PCBP3: variants seen among roughly 807,000 people sequenced by gnomAD.
PCBP3 encodes the protein poly(rC) binding protein 3.
In PCBP3, 25 loss-of-function variants were observed where a neutral mutation model predicts 52.7. That is an observed-to-expected ratio of 0.47 (90% CI 0.35 to 0.66). PCBP3 has a LOEUF of 0.66. Ranked by LOEUF, PCBP3 falls within the 30% of genes least tolerant of loss-of-function variation. PCBP3 has a pLI of 0.01. For synonymous variants in PCBP3, 162 were observed against 183.0 expected (o/e 0.89, Z 0.93); for missense variants, 391 against 490.3 (o/e 0.80, Z 1.91).
rs1401534544 is a variant in PCBP3, at chr21:45,704,174, T to C, written c.-199-31218T>C. Reference sequence around the variant, plus strand: ...AAGCCAAGGGGCACTGCCCAGCCGCTGAGTGGGTGGTGGTGAAGGTCATAT... The same window carrying C: ...AAGCCAAGGGGCACTGCCCAGCCGCCGAGTGGGTGGTGGTGAAGGTCATAT... On this transcript the variant is annotated intron_variant, in intron 2 of 17. Transcript: ENST00000681687. This position sits in a 1 kb window ranked among gnomAD's most constrained non-coding sequence, Gnocchi z 4.1. Among the ~76,000 whole-genome samples the C allele has an allele frequency of 6.6e-6, 1 of 152,118 alleles. No individual in the cohort carries two copies. The highest frequency in any genetic ancestry group is 2.4e-5 in the African/African-American group (1 of 41,408).
chr21:45,784,385 T>G (rs866544010), intron 4 of PCBP3, among the ~76,000 whole-genome samples: 32 of 116,512 alleles, frequency 2.7e-4, no homozygotes, highest in East Asian at 5.0e-4. Flanking sequence ...TACCTCTACC[T>G]CTACCTCTAC....
At chr21:45,815,534 G>GATGA (rs2092894156) in intron 4 of PCBP3, among the ~76,000 whole-genome samples, 2 of 72,082 alleles carry the variant, frequency 2.8e-5, no homozygotes. Flanking sequence ...ATGAGTGAGT[G>GATGA]GTGAGTAGTG....
At chr21:45,836,081 A>G (rs1197832677) in intron 4 of PCBP3, among the ~76,000 whole-genome samples, 2 of 152,186 alleles carry the variant, frequency 1.3e-5, no homozygotes, top group East Asian at 3.9e-4. Flanking sequence ...CACCCACAGT[A>G]GCTCCTCCTT....
Position 45,713,331 on chromosome 21 carries a change from C to G in PCBP3, c.-199-22061C>G, listed in dbSNP as rs958783677. 9.2e-5 allele frequency among the ~76,000 whole-genome samples: 14 copies of G among 152,280 alleles called. No homozygotes were observed. In the South Asian group the frequency reaches 1.0e-3, roughly 11 times the overall value. On this transcript the variant is annotated intron_variant, in intron 2 of 17. Coordinates refer to ENST00000681687, the MANE Select transcript of PCBP3 (RefSeq NM_001384156.1). ...CTCTAGCTTGACCTACCATTTCTCC[C>G]TTTTAGTTGGTTTATGCTCCAGACA... is the stretch of plus-strand genomic sequence containing the variant.
intron 3 of PCBP3, among the ~76,000 whole-genome samples, chr21:45,754,972 T>C (rs984145892): frequency 6.6e-6 from 1 of 152,198 alleles, no homozygotes; most frequent in African/African-American, 2.4e-5. Flanking sequence ...TTTTTTAACA[T>C]CAAGTATATT....
chr21:45,839,684 T>G (rs1378627772), intron 4 of PCBP3, among the ~76,000 whole-genome samples: 1 of 152,048 alleles, frequency 6.6e-6, no homozygotes, highest in Non-Finnish European at 1.5e-5. Flanking sequence ...TGTCTTAGTG[T>G]TGTTGTTGTT....
At position 45,724,316 on chromosome 21, in the gene PCBP3, C is replaced by T. The variant is rs921537649; in HGVS notation, c.-199-11076C>T. On this transcript the variant is annotated intron_variant, in intron 2 of 17. Transcript: ENST00000681687. The surrounding 1 kb of genome is among the most constrained non-coding windows in gnomAD (Gnocchi z 5.3). ...AGCTGTGACCCACCCCGCCCCCTCC[C>T]GGTGTTACCCTGAGTTATGAGAATG... Among the ~76,000 whole-genome samples the T allele has an allele frequency of 2.0e-5, 3 of 152,114 alleles. No homozygotes were observed. Among genetic ancestry groups the T allele is most frequent in the Admixed American group, 1.3e-4 (2 of 15,274 alleles).
chr21:45,900,931 C>T (rs957376801), intron 8 of PCBP3, 66 bp from the exon 9 acceptor site: 29 of 1,103,686 alleles, frequency 2.6e-5, no homozygotes, highest in Admixed American at 1.7e-4. Flanking sequence ...AACGGACTTG[C>T]GGCCCCCGAC....
At chr21:45,877,707 G>C (rs1329160038) in intron 5 of PCBP3, among the ~76,000 whole-genome samples, 1 of 152,222 alleles carries the variant, frequency 6.6e-6, no homozygotes, top group Admixed American at 6.5e-5. Context: ...TCAGGAGGCT[G>C]AGGCGGAGGA....
At chr21:45,815,512 G>C (rs2092891931) in intron 4 of PCBP3, among the ~76,000 whole-genome samples, 1 of 98,318 alleles carries the variant, frequency 1.0e-5, no homozygotes, top group African/African-American at 4.1e-5. Flanking sequence ...AGTGGTGAGT[G>C]AGTGGTGAGT....
At chr21:45,646,083 T>TTCTCTCTCTCTC (rs1164554233) in intron 1 of PCBP3, among the ~76,000 whole-genome samples, 2 of 99,574 alleles carry the variant, frequency 2.0e-5, no homozygotes, top group Non-Finnish European at 4.0e-5. Context: ...CTCTCTCTCT[T>TTCTCTCTCTCTC]TCTCTCTCTC....
At chr21:45,885,308 G>C (rs993535926) in intron 5 of PCBP3, among the ~76,000 whole-genome samples, 2 of 152,102 alleles carry the variant, frequency 1.3e-5, no homozygotes, top group African/African-American at 4.8e-5. Flanking sequence ...CTTGCTGCTT[G>C]CAAGAATTAT....
chr21:45,936,731 C>T (rs1006659519), intron 16 of PCBP3, among the ~76,000 whole-genome samples: 3 of 152,196 alleles, frequency 2.0e-5, no homozygotes, highest in African/African-American at 7.2e-5. Flanking sequence ...GTTTGGTGCT[C>T]TTATCCAAAC....
At chr21:45,826,340 G>A (rs1603445020) in intron 4 of PCBP3, among the ~76,000 whole-genome samples, 2 of 152,120 alleles carry the variant, frequency 1.3e-5, no homozygotes, top group African/African-American at 2.4e-5. Flanking sequence ...GCATTTGAAC[G>A]GTTCAACTTT....
rs1203499603 is a variant in PCBP3 at position 45,827,512 on chromosome 21, A to G, written c.-125-22449A>G. Among the ~76,000 whole-genome samples the G allele has an allele frequency of 1.4e-5, 2 of 142,094 alleles. No individual in the cohort carries two copies. Among genetic ancestry groups the G allele is most frequent in the Non-Finnish European group, 3.1e-5 (2 of 63,956 alleles). 93.2% of individuals were successfully genotyped at this position (142,094 alleles called of 152,430 possible). ...GGCTTTTAAAAAAGACATCATAAAGATGCTTCAGTGAGCCGTCACCAGCTC... is the reference window on the plus strand; with the variant it reads ...GGCTTTTAAAAAAGACATCATAAAGGTGCTTCAGTGAGCCGTCACCAGCTC... On this transcript the variant is annotated intron_variant, in intron 4 of 17. Coordinates refer to ENST00000681687, the MANE Select transcript of PCBP3 (RefSeq NM_001384156.1). The surrounding 1 kb of genome is among the most constrained non-coding windows in gnomAD (Gnocchi z 4.3).
chr21:45,742,226 A>G (rs1357917803), intron 3 of PCBP3, among the ~76,000 whole-genome samples: 1 of 152,204 alleles, frequency 6.6e-6, no homozygotes, highest in African/African-American at 2.4e-5. Context: ...TTCCTGGGTC[A>G]GAGGACATGG....
chr21:45,825,120 G>T (rs1476692832), intron 4 of PCBP3, among the ~76,000 whole-genome samples: 1 of 152,162 alleles, frequency 6.6e-6, no homozygotes, highest in Non-Finnish European at 1.5e-5. Context: ...CTCTGAGCTT[G>T]TGCCACACAG....
intron 15 of PCBP3, among the ~76,000 whole-genome samples, chr21:45,933,248 T>C (rs1170798363): frequency 1.3e-5 from 2 of 152,150 alleles, no homozygotes; most frequent in Admixed American, 1.3e-4. Context: ...TGTCTTGAGA[T>C]GAATGAACAC....
chr21:45,691,658 A>G (rs1335778323), intron 2 of PCBP3, among the ~76,000 whole-genome samples: 1 of 152,088 alleles, frequency 6.6e-6, no homozygotes, highest in Non-Finnish European at 1.5e-5. Flanking sequence ...CTGTATTTCT[A>G]AAATGATCAA....
Sources: gnomAD v4.1 joint callset for allele counts (sites outside exome capture counted in the v4.1 genomes callset) on GRCh38, gnomAD v4.1.1 for gene constraint, Gnocchi (gnomAD v3.1) non-coding constraint, MANE v1.5 for transcripts, NCBI Gene and HGNC (gene_info 2026-07-23, HGNC 2026-07-21) for gene names.